PAN3: variants seen among roughly 807,000 people sequenced by gnomAD.
PAN3 encodes poly(A) specific ribonuclease subunit PAN3.
In PAN3, 19 loss-of-function variants were observed where a neutral mutation model predicts 96.2. The ratio of observed to expected loss-of-function variants is 0.20; its 90% CI spans 0.14 to 0.29. The LOEUF is 0.29. PAN3 is among the 10% of genes least tolerant of loss of function. The pLI, the probability that PAN3 is intolerant of heterozygous loss-of-function variation, is 1.00. For missense variants in PAN3, 882 were observed against 1,108.1 expected (o/e 0.80, Z 2.90); for synonymous variants, 433 against 406.6 (o/e 1.06, Z -0.78).
At chr13:28,256,577 T>A in intron 7 of PAN3, 38 bp downstream of exon 7, 2 of 1,575,686 alleles carry the variant, frequency 1.3e-6, no homozygotes, top group Non-Finnish European at 1.7e-6. Flanking sequence ...AGTACTCTCT[T>A]GTAACAGGAC....
chr13:28,288,918 C>G (rs961440170), intron 18 of PAN3, among the ~76,000 whole-genome samples: 1 of 151,090 alleles, frequency 6.6e-6, no homozygotes, highest in African/African-American at 2.4e-5. Context: ...GCTCCGCCTC[C>G]CGGGTTCACG....
intron 5 of PAN3, among the ~76,000 whole-genome samples, chr13:28,203,391 C>A (rs1283739073): frequency 6.6e-6 from 1 of 152,128 alleles, no homozygotes; most frequent in Non-Finnish European, 1.5e-5. Context: ...GCAGCGTCTA[C>A]CTCCTGGGCT....
chr13:28,283,317 A>G (rs1285725207), intron 17 of PAN3, among the ~76,000 whole-genome samples: 1 of 152,172 alleles, frequency 6.6e-6, no homozygotes, highest in Admixed American at 6.5e-5. Flanking sequence ...CCAAAGTGCT[A>G]GGATTACAGG....
At chr13:28,258,469 G>C (rs967324818) in intron 7 of PAN3, among the ~76,000 whole-genome samples, 6 of 152,194 alleles carry the variant, frequency 3.9e-5, no homozygotes, top group Non-Finnish European at 8.8e-5. Flanking sequence ...GAAGCTGGAA[G>C]CTGATTTAGT....
chr13:28,231,975 A>C (rs114635534), intron 6 of PAN3, among the ~76,000 whole-genome samples: 1 of 152,164 alleles, frequency 6.6e-6, no homozygotes, highest in Non-Finnish European at 1.5e-5. Flanking sequence ...GCATAATATA[A>C]AGAGATTTTG....
At chr13:28,214,737 T>C (rs755569683) in intron 5 of PAN3, 1 of 523,194 alleles carries the variant, frequency 1.9e-6, no homozygotes, top group Non-Finnish European at 3.5e-6. Flanking sequence ...ACTATTGATA[T>C]CTCCCTGTAG....
chr13:28,289,047 C>T (rs967349740), intron 18 of PAN3, among the ~76,000 whole-genome samples: 6 of 151,702 alleles, frequency 4.0e-5, no homozygotes, highest in South Asian at 2.1e-4. Context: ...AGGATGGTCT[C>T]GATCTCCTGA....
chr13:28,185,485 G>T (rs1465467019), intron 4 of PAN3, among the ~76,000 whole-genome samples: 1 of 152,114 alleles, frequency 6.6e-6, no homozygotes, highest in Non-Finnish European at 1.5e-5. Context: ...TTGGCACTTT[G>T]TGTGCAGCGA....
chr13:28,168,526 C>T (rs1873871797), intron 1 of PAN3, among the ~76,000 whole-genome samples: 1 of 152,208 alleles, frequency 6.6e-6, no homozygotes, highest in African/African-American at 2.4e-5. Flanking sequence ...TGAGACCAGC[C>T]TGGCCAACAT....
rs540016803 is a variant in PAN3 at position 28,266,419 on chromosome 13, AAT to A, written c.1412-295_1412-294del. ...AAAAATTTATCTCAGTGATAACTCA[AAT>A]TATTTATAAAAATTATTTCTGAGGA... On this transcript the variant is annotated intron_variant, in intron 9 of 18. Coordinates refer to ENST00000380958, the MANE Select transcript of PAN3 (RefSeq NM_175854.8). Among the ~76,000 whole-genome samples the A allele has an allele frequency of 1.4e-3, 218 of 152,286 alleles. 2 individuals carry two copies. The highest frequency in any genetic ancestry group is 5.1e-3 in the African/African-American group (211 of 41,568).
chr13:28,182,651 G>A (rs1378141434), intron 4 of PAN3, among the ~76,000 whole-genome samples: 3 of 152,138 alleles, frequency 2.0e-5, no homozygotes, highest in African/African-American at 7.2e-5. Flanking sequence ...AGGGAAGTGG[G>A]ACCAAAGGGA....
chr13:28,176,453 A>G lies in PAN3; in HGVS notation c.553-40A>G, dbSNP rs1875009115. On this transcript the variant is annotated intron_variant, in intron 2 of 18. Transcript: ENST00000380958. ...ATTGGTTGGATACTTTTATTTCTGT[A>G]TTCCTCAGTGATGTTATAAATAAAT... 7 of 1,556,696 alleles carry G rather than the reference A, an allele frequency of 4.5e-6. No individual in the cohort carries two copies. In the African/African-American group the frequency reaches 8.2e-5, roughly 18 times the overall value.
At chr13:28,221,228 T>C (rs1881371328) in intron 6 of PAN3, among the ~76,000 whole-genome samples, 1 of 152,140 alleles carries the variant, frequency 6.6e-6, no homozygotes, top group Non-Finnish European at 1.5e-5. Flanking sequence ...CACAATCACA[T>C]TGAATTCATA....
Position 28,165,377 on chromosome 13 carries a change from T to TC in PAN3, c.431-8890dup, listed in dbSNP as rs34889643. Among the ~76,000 whole-genome samples, 229 of 147,500 alleles carry TC rather than the reference T, an allele frequency of 1.6e-3. 1 individual carries two copies. Among genetic ancestry groups the TC allele is most frequent in the Non-Finnish European group, 1.6e-3 (106 of 67,202 alleles). ...CTCAAGTGATAATACCACCTTAGCC[T>TC]CCCCCAAAGTGCTGGGATTACAGAC... On this transcript the variant is annotated intron_variant, in intron 1 of 18. Transcript: ENST00000380958.
intron 1 of PAN3, among the ~76,000 whole-genome samples, chr13:28,140,881 A>G (rs74780170): frequency 0.038 from 5,729 of 152,184 alleles, 331 homozygotes; most frequent in African/African-American, 0.13. Context: ...ATCACTTTCG[A>G]GCATCAACTT....
chr13:28,231,745 C>G (rs1458967354), intron 6 of PAN3, among the ~76,000 whole-genome samples: 1 of 151,872 alleles, frequency 6.6e-6, no homozygotes, highest in Non-Finnish European at 1.5e-5. Flanking sequence ...AACAAATAAA[C>G]AACAACCATA....
At chr13:28,260,330 C>A in intron 7 of PAN3, 117 bp from the exon 8 acceptor site, 1 of 684,600 alleles carries the variant, frequency 1.5e-6, no homozygotes. Context: ...GGAGGCAGAG[C>A]TTGTAGTGAG....
At chr13:28,221,358 A>C (rs985661478) in intron 6 of PAN3, among the ~76,000 whole-genome samples, 2 of 148,720 alleles carry the variant, frequency 1.3e-5, no homozygotes, top group Non-Finnish European at 1.5e-5. Flanking sequence ...AAAAAAAAAA[A>C]CAGAAATAAA....
intron 18 of PAN3, 107 bp downstream of exon 18, chr13:28,288,229 A>AGGCTACTTTAAG: frequency 1.0e-6 from 1 of 983,584 alleles, no homozygotes; most frequent in Non-Finnish European, 1.5e-6. Flanking sequence ...TGTACTCTTA[A>AGGCTACTTTAAG]AGTAGCCTGT....
Sources: allele counts gnomAD v4.1 joint callset (sites outside exome capture counted in the v4.1 genomes callset), GRCh38; gene constraint gnomAD v4.1.1; transcripts MANE v1.5; gene names NCBI Gene and HGNC (gene_info 2026-07-23, HGNC 2026-07-21).